CSMD3: variants seen among roughly 807,000 people sequenced by gnomAD.
The protein encoded by CSMD3 is CUB and Sushi multiple domains 3, also known as CUB and sushi domain-containing protein 3.
In CSMD3, 177 loss-of-function variants were observed where a neutral mutation model predicts 435.2. The ratio of observed to expected loss-of-function variants is 0.41; its 90% CI spans 0.36 to 0.46. CSMD3 has a LOEUF of 0.46. Ranked by LOEUF, CSMD3 falls within the 20% of genes least tolerant of loss-of-function variation. The pLI, the probability that CSMD3 is intolerant of heterozygous loss-of-function variation, is 0.34. For synonymous variants in CSMD3, 1,656 were observed against 1,520.5 expected, an observed-to-expected ratio of 1.09 and a Z score of -2.07; for missense variants, 4,265 against 4,504.6, an observed-to-expected ratio of 0.95 and a Z score of 1.52.
Position 112,341,691 on chromosome 8 carries a change from A to C in CSMD3, c.6443-5T>G, listed in dbSNP as rs1484145861. 9 of 1,545,316 alleles carry C rather than the reference A, an allele frequency of 5.8e-6. No individual in the cohort carries two copies. The highest frequency in any genetic ancestry group is 8.0e-6 in the Non-Finnish European group (9 of 1,118,378). The stretch of plus-strand genomic sequence containing the variant: ...TTACAAACTGGAGATGTACACCTGA[A>C]GAAGAAAACAAACAGAATGCTACTT... On this transcript the variant is annotated splice_region_variant and splice_polypyrimidine_tract_variant and intron_variant, in intron 41 of 70. Transcript: ENST00000297405.
At chr8:112,687,273 G>T (rs895765837) in intron 14 of CSMD3, among the ~76,000 whole-genome samples, 1 of 151,580 alleles carries the variant, frequency 6.6e-6, no homozygotes, top group Non-Finnish European at 1.5e-5. Context: ...GTCTTAACTC[G>T]CATTTCTTTG....
chr8:113,309,966 T>C (rs1456516626), intron 2 of CSMD3: 2 of 152,344 alleles, frequency 1.3e-5, no homozygotes, highest in South Asian at 2.1e-4. Context: ...TGATGAACTG[T>C]ATAATAACAA....
intron 5 of CSMD3, among the ~76,000 whole-genome samples, chr8:113,055,098 C>T (rs2088263206): frequency 6.6e-6 from 1 of 152,134 alleles, no homozygotes; most frequent in South Asian, 2.1e-4. Flanking sequence ...AGTTTATTAT[C>T]TGTAACACCA....
intron 22 of CSMD3, among the ~76,000 whole-genome samples, chr8:112,619,805 A>G (rs561176047): frequency 1.7e-3 from 163 of 94,560 alleles, no homozygotes; most frequent in African/African-American, 9.7e-3. Context: ...TCTTTCTCCT[A>G]TCTTAAAAAA....
At chr8:112,237,493 TA>T in intron 66 of CSMD3, 145 bp from the exon 67 acceptor site, 1 of 678,716 alleles carries the variant, frequency 1.5e-6, no homozygotes, top group South Asian at 1.8e-5. Flanking sequence ...ATTCTTCATA[TA>T]AAAATGTTTC....
rs185318870 is a variant in CSMD3, at chr8:112,821,678, C to T, written c.1859+8008G>A. Among the ~76,000 whole-genome samples the T allele has an allele frequency of 8.7e-4, 133 of 152,156 alleles. 1 individual carries two copies. Among genetic ancestry groups the T allele is most frequent in the African/African-American group, 3.1e-3 (127 of 41,528 alleles). ...TTTAGATCCCATTTGTCAATTTTGG[C>T]TTTTGTTGCAATTGCTTTTGGTGTT... On this transcript the variant is annotated intron_variant, in intron 12 of 70. Transcript: ENST00000297405.
chr8:112,770,092 CTGTCT>C, intron 13 of CSMD3, among the ~76,000 whole-genome samples: 1 of 152,048 alleles, frequency 6.6e-6, no homozygotes, highest in Admixed American at 6.6e-5. Context: ...ACAAAGTGGT[CTGTCT>C]TATTAATCTT....
In CSMD3 at chr8:112,570,885, T is replaced by A. The variant is rs185344087; in HGVS notation, c.4042+2616A>T. On this transcript the variant is annotated intron_variant, in intron 24 of 70. Transcript: ENST00000297405. Reference sequence around the variant, plus strand: ...TAGTTTTATCTCTAAGACTAAAAAATATTTATAAATGTATGTTTTCCCTTT... The same window carrying A: ...TAGTTTTATCTCTAAGACTAAAAAAAATTTATAAATGTATGTTTTCCCTTT... Among the ~76,000 whole-genome samples the A allele has an allele frequency of 5.3e-3, 814 of 152,334 alleles. 2 individuals are homozygous for A. The highest frequency in any genetic ancestry group is 0.031 in the Middle Eastern group (9 of 294).
Position 112,649,528 on chromosome 8 carries a change from T to C in CSMD3, c.3193+633A>G, listed in dbSNP as rs149973155. 4.3e-3 allele frequency among the ~76,000 whole-genome samples: 658 copies of C among 152,308 alleles called. 12 individuals carry two copies. The highest frequency in any genetic ancestry group is 0.015 in the African/African-American group (622 of 41,582). On this transcript the variant is annotated intron_variant, in intron 19 of 70. Transcript: ENST00000297405. ...ATATATGGATTTACATTGAGTGTGC[T>C]TTTTGACAAGCAAGCATGCAAGCAC...
chr8:112,361,331 GCA>G (rs1423868307), intron 38 of CSMD3, among the ~76,000 whole-genome samples: 1 of 151,542 alleles, frequency 6.6e-6, no homozygotes, highest in African/African-American at 2.4e-5. Flanking sequence ...ACAAAAAATT[GCA>G]CACAGTTATG....
chr8:113,153,268 G>T (rs1192939954), intron 4 of CSMD3, among the ~76,000 whole-genome samples: 1 of 150,896 alleles, frequency 6.6e-6, no homozygotes, highest in Non-Finnish European at 1.5e-5. Flanking sequence ...AAGGAAGGAA[G>T]GAAGGGAATT....
chr8:113,053,053 C>G (rs536747788), intron 5 of CSMD3, among the ~76,000 whole-genome samples: 2 of 152,182 alleles, frequency 1.3e-5, no homozygotes, highest in African/African-American at 4.8e-5. Flanking sequence ...TTTTTTCAAT[C>G]AAGTCAATGA....
At chr8:113,248,069 G>A (rs2093294587) in intron 3 of CSMD3, among the ~76,000 whole-genome samples, 1 of 151,938 alleles carries the variant, frequency 6.6e-6, no homozygotes, top group Admixed American at 6.6e-5. Context: ...GAAATTCATA[G>A]AACAAAATGT....
In CSMD3 at chr8:112,461,012, G is replaced by C. The variant is rs1478032628; in HGVS notation, c.5395+11579C>G. On this transcript the variant is annotated intron_variant, in intron 32 of 70. Transcript: ENST00000297405. ...ACCTATTTGAAATATAATTTATTGA[G>C]TTTTCAAATACATTATTTCAAAATG... is the stretch of plus-strand genomic sequence containing the variant. 2.6e-5 allele frequency among the ~76,000 whole-genome samples: 4 copies of C among 152,054 alleles called. No homozygotes were observed. The East Asian group carries it at 7.7e-4, about 29-fold the overall frequency.
chr8:112,879,586 T>G (rs2130179024), intron 10 of CSMD3, among the ~76,000 whole-genome samples: 1 of 152,204 alleles, frequency 6.6e-6, no homozygotes, highest in South Asian at 2.1e-4. Context: ...TAATAAAAAC[T>G]TGCTGGTTTT....
At position 112,636,849 on chromosome 8, in the gene CSMD3, C is replaced by T. The variant is rs61753739; in HGVS notation, c.3683G>A (p.Arg1228Gln). The T allele has an allele frequency of 5.9e-3, 9,538 of 1,612,174 alleles. 47 individuals carry two copies. The highest frequency in any genetic ancestry group is 7.1e-3 in the Non-Finnish European group (8,343 of 1,179,334). ...SEIICLGGGRRVWSAPLPRCV... is the reference protein window; with the variant it reads ...SEIICLGGGRQVWSAPLPRCV... ...CCTTGGCAGAGGTGCACTCCACACTCGTCGGCCACCACCAAGACAGATGAT... is the reference window on the plus strand; with the variant it reads ...CCTTGGCAGAGGTGCACTCCACACTTGTCGGCCACCACCAAGACAGATGAT... The change falls in exon 22 of 71, where the codon CGA (arginine) becomes CAA (glutamine). Residue 1228 changes from arginine to glutamine, a missense_variant. Physicochemically the swap from Arg to Gln is conservative, Grantham distance 43. Around this residue, in one of 3 missense-constraint regions of CSMD3, gnomAD observed 3,255 missense variants for 3,380.2 expected, o/e 0.96. Transcript: ENST00000297405.
At chr8:113,191,552 C>T (rs777470664) in intron 3 of CSMD3, among the ~76,000 whole-genome samples, 1 of 148,276 alleles carries the variant, frequency 6.7e-6, no homozygotes, top group Non-Finnish European at 1.5e-5. Context: ...GCTTCATCTC[C>T]ATGTTGTTGC....
chr8:112,234,297 T>C (rs1813366881), intron 68 of CSMD3, 68 bp downstream of exon 68: 5 of 990,542 alleles, frequency 5.0e-6, no homozygotes, highest in Non-Finnish European at 6.5e-6. Context: ...TAGAAAACTC[T>C]CCTTTCCTGG....
chr8:113,164,542 A>T (rs2092113188), intron 4 of CSMD3, among the ~76,000 whole-genome samples: 1 of 152,006 alleles, frequency 6.6e-6, no homozygotes, highest in Non-Finnish European at 1.5e-5. Flanking sequence ...TTTTCTTTTG[A>T]ATCAGATATG....
Sources: allele counts gnomAD v4.1 joint callset (sites outside exome capture counted in the v4.1 genomes callset), GRCh38; gene constraint gnomAD v4.1.1; regional missense constraint gnomAD v4.1.1; transcripts MANE v1.5; gene names NCBI Gene and HGNC (gene_info 2026-07-23, HGNC 2026-07-21).